SLCO2A1: variants seen among roughly 807,000 people sequenced by gnomAD.
The protein encoded by SLCO2A1 is solute carrier organic anion transporter family member 2A1.
SLCO2A1 carries 60 observed loss-of-function variants against 71.7 expected under a neutral mutation model. The observed-to-expected ratio is 0.84, with a 90% confidence interval of 0.68 to 1.04. The LOEUF (loss-of-function observed/expected upper bound fraction) is 1.04. SLCO2A1 is among the 50% of genes least tolerant of loss of function. SLCO2A1 has a pLI of 0.00. For synonymous variants in SLCO2A1, 308 were observed against 326.7 expected (o/e 0.94, Z 0.62); for missense variants, 745 against 813.4 (o/e 0.92, Z 1.02).
At chr3:134,006,374 A>G (rs1692693943) in intron 1 of SLCO2A1, among the ~76,000 whole-genome samples, 1 of 152,152 alleles carries the variant, frequency 6.6e-6, no homozygotes, top group African/African-American at 2.4e-5. Flanking sequence ...CAGTGGCATT[A>G]AGTACATTCA....
At chr3:133,945,317 A>C in intron 9 of SLCO2A1, 57 bp from the exon 10 acceptor site, 2 of 1,523,712 alleles carry the variant, frequency 1.3e-6, no homozygotes, top group Non-Finnish European at 1.8e-6. Flanking sequence ...GAAAAACCCT[A>C]CACTCCAGCC....
At chr3:133,998,478 C>A (rs1935027748) in intron 1 of SLCO2A1, among the ~76,000 whole-genome samples, 1 of 151,030 alleles carries the variant, frequency 6.6e-6, no homozygotes, top group Non-Finnish European at 1.5e-5. Flanking sequence ...TTTTCTCATT[C>A]CCAGGCGCTC....
Position 133,964,135 on chromosome 3 carries a change from GC to G in SLCO2A1, c.398-8943del, listed in dbSNP as rs1436657764. The stretch of plus-strand genomic sequence containing the variant: ...GAAAACTAGGAGAACATAGTCTTCT[GC>G]CCCAGAGGAAAAAATGAGTTGACGT... On this transcript the variant is annotated intron_variant, in intron 3 of 13. Transcript: ENST00000310926. Among the ~76,000 whole-genome samples, 4 of 152,258 alleles carry G rather than the reference GC, an allele frequency of 2.6e-5. No individual in the cohort carries two copies. In the East Asian group the frequency reaches 7.7e-4, roughly 29 times the overall value.
At chr3:133,956,322 G>A (rs1201679784) in intron 3 of SLCO2A1, among the ~76,000 whole-genome samples, 2 of 152,080 alleles carry the variant, frequency 1.3e-5, no homozygotes, top group Non-Finnish European at 2.9e-5. Context: ...GGTGGGGCTG[G>A]GGAGAGGGGT....
chr3:133,957,469 G>A (rs775157646), intron 3 of SLCO2A1, among the ~76,000 whole-genome samples: 1 of 152,172 alleles, frequency 6.6e-6, no homozygotes, highest in Admixed American at 6.5e-5. Context: ...CTGGTTTGGG[G>A]GTAGAGCTGG....
At chr3:133,938,522 G>C (rs1337913254) in intron 11 of SLCO2A1, 29 bp from the exon 12 acceptor site, 18 of 1,609,936 alleles carry the variant, frequency 1.1e-5, no homozygotes, top group Non-Finnish European at 1.5e-5. Context: ...AATCAGCAGT[G>C]GGAGGATTCA....
At chr3:133,950,424 G>A (rs1038770202) in intron 6 of SLCO2A1, among the ~76,000 whole-genome samples, 6 of 152,122 alleles carry the variant, frequency 3.9e-5, no homozygotes, top group South Asian at 2.1e-4. Context: ...ATCCACCCTA[G>A]GAATGTCTAT....
Position 133,942,766 on chromosome 3 carries a change from G to A in SLCO2A1, c.1464C>T (p.Ile488=), listed in dbSNP as rs199651147. The change falls in exon 11 of 14, where the codon ATC becomes ATT. Residue 488 remains isoleucine (I), a splice_region_variant and synonymous_variant. Coordinates refer to ENST00000310926, the MANE Select transcript of SLCO2A1 (RefSeq NM_005630.3). The stretch of plus-strand genomic sequence containing the variant: ...CGGTCACACAGCTGCAGTTCAAATA[G>A]ATCTTCAAGAGGAAGGGGAGGGAAA... ...NMSSATSKQL[I]YLNCSCVTGG... is the part of the protein sequence containing the mutation. 3 of 1,599,552 alleles carry A rather than the reference G, an allele frequency of 1.9e-6. No individual in the cohort carries two copies. The highest frequency in any genetic ancestry group is 2.2e-5 in the South Asian group (2 of 89,068).
chr3:134,017,054 C>A (rs979586381), intron 1 of SLCO2A1, among the ~76,000 whole-genome samples: 4 of 152,088 alleles, frequency 2.6e-5, no homozygotes, highest in African/African-American at 9.7e-5. Context: ...AGCAAGGGGA[C>A]GTGACTATAA....
At chr3:133,950,451 T>C (rs148364371) in intron 6 of SLCO2A1, among the ~76,000 whole-genome samples, 1 of 152,116 alleles carries the variant, frequency 6.6e-6, no homozygotes, top group South Asian at 2.1e-4. Context: ...CTTTGCCCTG[T>C]CCCAGCTCTC....
At chr3:133,972,499 A>G (rs919621578) in intron 3 of SLCO2A1, among the ~76,000 whole-genome samples, 1 of 152,218 alleles carries the variant, frequency 6.6e-6, no homozygotes, top group South Asian at 2.1e-4. Context: ...AAAATTAAAG[A>G]AAAACTCTAA....
chr3:133,996,147 T>C (rs1050368884), intron 1 of SLCO2A1, among the ~76,000 whole-genome samples: 4 of 152,156 alleles, frequency 2.6e-5, no homozygotes, highest in African/African-American at 9.7e-5. Context: ...CGAGGAGGTT[T>C]CATCAAGAAG....
intron 2 of SLCO2A1, among the ~76,000 whole-genome samples, chr3:133,976,874 A>G (rs1934471030): frequency 6.6e-6 from 1 of 152,146 alleles, no homozygotes; most frequent in Admixed American, 6.5e-5. Context: ...AAGTTGCTCC[A>G]TGTCTTCTCT....
rs548754492 is a variant in SLCO2A1, at chr3:133,999,894, C to T, written c.97-20276G>A. On this transcript the variant is annotated intron_variant, in intron 1 of 13. Transcript: ENST00000310926. ...AATTTTATCTCTATCTGGCCATCAC[C>T]GAAGACTTCTGAGCAGAGATAATGC... Among the ~76,000 whole-genome samples, 11 of 152,256 alleles carry T rather than the reference C, an allele frequency of 7.2e-5. No homozygotes were observed. In the East Asian group the frequency reaches 1.4e-3, roughly 19 times the overall value.
At chr3:133,969,055 A>T (rs1246751197) in intron 3 of SLCO2A1, among the ~76,000 whole-genome samples, 2 of 152,222 alleles carry the variant, frequency 1.3e-5, no homozygotes, top group Non-Finnish European at 2.9e-5. Flanking sequence ...GCTTTACTCC[A>T]AGAGGAAGGA....
intron 1 of SLCO2A1, among the ~76,000 whole-genome samples, chr3:133,999,789 A>C (rs1411055139): frequency 1.3e-5 from 2 of 152,172 alleles, no homozygotes; most frequent in African/African-American, 4.8e-5. Flanking sequence ...AAAAAGATTG[A>C]GTTAGTCTGA....
chr3:133,980,438 T>G (rs1576444952), intron 1 of SLCO2A1, among the ~76,000 whole-genome samples: 1 of 152,362 alleles, frequency 6.6e-6, no homozygotes, highest in African/African-American at 2.4e-5. Flanking sequence ...AAGGGTTTCA[T>G]GATGTCCCTA....
chr3:133,953,512 T>C (rs1933800242), intron 5 of SLCO2A1, 151 bp downstream of exon 5: 1 of 631,162 alleles, frequency 1.6e-6, no homozygotes, highest in Admixed American at 2.5e-5. Flanking sequence ...CTCCTGGCTC[T>C]CCGAGGGACT....
At chr3:134,025,215 A>G (rs1436473218) in intron 1 of SLCO2A1, among the ~76,000 whole-genome samples, 1 of 152,192 alleles carries the variant, frequency 6.6e-6, no homozygotes, top group South Asian at 2.1e-4. Context: ...ACATCAAGTC[A>G]CTGAGGTAGG....
Sources: allele counts gnomAD v4.1 joint callset (sites outside exome capture counted in the v4.1 genomes callset), GRCh38; gene constraint gnomAD v4.1.1; transcripts MANE v1.5; gene names NCBI Gene and HGNC (gene_info 2026-07-23, HGNC 2026-07-21).